The following SSX2IP variants were observed in gnomAD, a reference collection of about 807,000 sequenced individuals.
The protein encoded by SSX2IP is afadin- and alpha-actinin-binding protein.
A neutral mutation model predicts 84.9 loss-of-function variants in SSX2IP; 55 were observed. That is an observed-to-expected ratio of 0.65 (90% CI 0.52 to 0.81). The LOEUF is 0.81. SSX2IP is among the 30% of genes least tolerant of loss of function. The pLI, the probability that SSX2IP is intolerant of heterozygous loss-of-function variation, is 0.00. For synonymous variants in SSX2IP, 239 were observed against 234.7 expected, an observed-to-expected ratio of 1.02 and a Z score of -0.17; for missense variants, 664 against 705.2, an observed-to-expected ratio of 0.94 and a Z score of 0.66.
At chr1:84,650,266 A>C (rs1650024400) in intron 13 of SSX2IP, 96 bp downstream of exon 13, 1 of 1,224,432 alleles carries the variant, frequency 8.2e-7, no homozygotes, top group East Asian at 2.3e-5. Flanking sequence ...CAAAATCTCT[A>C]TTGTTGCTAA....
chr1:84,647,626 C>G lies in SSX2IP; in HGVS notation c.1671-19G>C, dbSNP rs1410816144. On this transcript the variant is annotated intron_variant, in intron 13 of 13. Coordinates refer to ENST00000342203, the MANE Select transcript of SSX2IP (RefSeq NM_001166293.2). ...GATTGAACTGTTGGGAAAAGAAAGG[C>G]AGATCTTAGTGACTATCCTCTCCTT... The G allele has an allele frequency of 2.6e-6, 4 of 1,526,136 alleles. No homozygotes were observed. Among genetic ancestry groups the G allele is most frequent in the Non-Finnish European group, 3.5e-6 (4 of 1,130,518 alleles). 94.5% of individuals were successfully genotyped at this position (1,526,136 alleles called of 1,614,324 possible).
rs1014598781 is a variant in SSX2IP, at chr1:84,650,565, T to C, written c.1505-38A>G. The stretch of plus-strand genomic sequence containing the variant: ...AAGTAAGAGAAAAAGGCAGTACATA[T>C]GGTGAGGCATTAAATATAGTGAAGG... On this transcript the variant is annotated intron_variant, in intron 12 of 13. Coordinates refer to ENST00000342203, the MANE Select transcript of SSX2IP (RefSeq NM_001166293.2). 8.7e-6 allele frequency: 14 copies of C among 1,607,790 alleles called. No homozygotes were observed. In the East Asian group the frequency reaches 1.3e-4, roughly 15 times the overall value.
rs1171194235 is a variant in SSX2IP at position 84,658,441 on chromosome 1, C to T, written c.955G>A (p.Gly319Arg). 6 of 1,613,888 alleles carry T rather than the reference C, an allele frequency of 3.7e-6. No homozygotes were observed. The highest frequency in any genetic ancestry group is 2.2e-5 in the East Asian group (1 of 44,874). ...TVISDVEEDA[G>R]ELSRESMWDL... ...CACATACTCTCTCTGCTTAGTTCCCCGGCATCTTCTTCAACATCGGAAATA... is the reference window on the plus strand; with the variant it reads ...CACATACTCTCTCTGCTTAGTTCCCTGGCATCTTCTTCAACATCGGAAATA... Residue 319 changes from glycine to arginine, a missense_variant, in exon 9 of 14, where the codon GGG becomes AGG. Transcript: ENST00000342203.
intron 1 of SSX2IP, among the ~76,000 whole-genome samples, chr1:84,673,269 A>C (rs972485166): frequency 6.6e-6 from 1 of 152,218 alleles, no homozygotes; most frequent in Non-Finnish European, 1.5e-5. Flanking sequence ...GAAAACCTCC[A>C]CTGAAACGGT....
Position 84,667,809 on chromosome 1 carries a change from A to C in SSX2IP, c.427-1577T>G, listed in dbSNP as rs1305646663. On this transcript the variant is annotated intron_variant, in intron 4 of 13. Coordinates refer to ENST00000342203, the MANE Select transcript of SSX2IP (RefSeq NM_001166293.2). Reference sequence around the variant, plus strand: ...CTAGCAAATTTCTACTCATTCTTCCAATCTCAGATCAGGTGTTACCTCTCC... The same window carrying C: ...CTAGCAAATTTCTACTCATTCTTCCCATCTCAGATCAGGTGTTACCTCTCC... Among the ~76,000 whole-genome samples the C allele has an allele frequency of 3.3e-5, 5 of 152,114 alleles. No homozygotes were observed. In the East Asian group the frequency reaches 9.6e-4, roughly 29 times the overall value.
At chr1:84,648,070 GCA>G (rs1649710997) in intron 13 of SSX2IP, among the ~76,000 whole-genome samples, 1 of 151,982 alleles carries the variant, frequency 6.6e-6, no homozygotes, top group South Asian at 2.1e-4. Context: ...GGAATCTAAG[GCA>G]CAGCCTTTAT....
chr1:84,654,640 A>G (rs1650806526), intron 11 of SSX2IP, among the ~76,000 whole-genome samples: 1 of 152,176 alleles, frequency 6.6e-6, no homozygotes, highest in Admixed American at 6.5e-5. Flanking sequence ...ACAGAGAAAA[A>G]GAATTCACTA....
chr1:84,676,280 G>A (rs888453972), intron 1 of SSX2IP, among the ~76,000 whole-genome samples: 16 of 152,226 alleles, frequency 1.1e-4, no homozygotes, highest in African/African-American at 2.6e-4. Context: ...GTTCATTAGC[G>A]GTAGGTAACA....
At chr1:84,656,296 C>A (rs1376846156) in intron 10 of SSX2IP, 52 bp downstream of exon 10, 1 of 1,574,064 alleles carries the variant, frequency 6.4e-7, no homozygotes, top group Non-Finnish European at 8.6e-7. Flanking sequence ...TAAGGTTCAG[C>A]ACAATTCTGG....
At chr1:84,656,259 T>C in intron 10 of SSX2IP, 89 bp downstream of exon 10, 1 of 1,342,500 alleles carries the variant, frequency 7.4e-7, no homozygotes, top group Non-Finnish European at 1.0e-6. Flanking sequence ...TACCAGGGCC[T>C]TATGAAATAA....
At position 84,643,801 on chromosome 1, in the gene SSX2IP, T is replaced by A. The variant is rs1206679182; in HGVS notation, c.*3632A>T. 2 of 151,324 alleles carry A rather than the reference T, an allele frequency of 1.3e-5. No homozygotes were observed. Among genetic ancestry groups the A allele is most frequent in the East Asian group, 3.9e-4 (2 of 5,192 alleles). The allele number at this position is 151,324 out of a possible 1,614,324, so 9.4% of individuals were successfully genotyped here. A position where few individuals can be genotyped will look rare whatever the true frequency, so the allele number is the denominator to read the frequency against. On this transcript the variant is annotated 3_prime_UTR_variant, in exon 14 of 14. Transcript: ENST00000342203. Reference sequence around the variant, plus strand: ...TATTTCTGAAGCTCAAATATATGAATGAGGTGGATCTTTATCAGGAGCTTC... The same window carrying A: ...TATTTCTGAAGCTCAAATATATGAAAGAGGTGGATCTTTATCAGGAGCTTC...
At chr1:84,660,936 G>A (rs867220518) in intron 8 of SSX2IP, among the ~76,000 whole-genome samples, 53 of 150,038 alleles carry the variant, frequency 3.5e-4, no homozygotes, top group African/African-American at 9.0e-4. Flanking sequence ...GCATGGTGGC[G>A]GCTGCCTATA....
At chr1:84,652,273 A>C in intron 11 of SSX2IP, 2 of 303,960 alleles carry the variant, frequency 6.6e-6, no homozygotes, top group East Asian at 6.1e-5. Context: ...AAATACAAAC[A>C]TCAGCTGGGC....
chr1:84,657,119 T>C (rs1651232997), intron 9 of SSX2IP, among the ~76,000 whole-genome samples: 1 of 152,156 alleles, frequency 6.6e-6, no homozygotes, highest in Non-Finnish European at 1.5e-5. Flanking sequence ...TAAATTTTTC[T>C]TTAAATAGGC....
intron 1 of SSX2IP, among the ~76,000 whole-genome samples, chr1:84,673,831 TA>T (rs748427211): frequency 1.3e-5 from 2 of 152,184 alleles, no homozygotes; most frequent in Non-Finnish European, 2.9e-5. Flanking sequence ...TTACATGTCA[TA>T]TTACATGTTA....
At chr1:84,674,843 A>G (rs951472592) in intron 1 of SSX2IP, among the ~76,000 whole-genome samples, 10 of 152,222 alleles carry the variant, frequency 6.6e-5, no homozygotes, top group Admixed American at 5.9e-4. Context: ...CTGTTCAATG[A>G]TGTACCAATT....
Position 84,667,258 on chromosome 1 carries a change from G to A in SSX2IP, c.427-1026C>T, listed in dbSNP as rs558799375. 2.4e-4 allele frequency among the ~76,000 whole-genome samples: 36 copies of A among 152,050 alleles called. No individual in the cohort carries two copies. In the South Asian group the frequency reaches 7.1e-3, roughly 30 times the overall value. ...CCTTCCTTTCTTAGTGAATCACATC[G>A]CCATCCTCAGTAACTCAAGGCAGAA... On this transcript the variant is annotated intron_variant, in intron 4 of 13. Coordinates refer to ENST00000342203, the MANE Select transcript of SSX2IP (RefSeq NM_001166293.2).
rs187948799 is a variant in SSX2IP at position 84,670,162 on chromosome 1, A to G, written c.214-269T>C. On this transcript the variant is annotated intron_variant, in intron 3 of 13. Coordinates refer to ENST00000342203, the MANE Select transcript of SSX2IP (RefSeq NM_001166293.2). ...ATCATGTTGAACATGACAAATATAT[A>G]TAATTTTTGTCAAAAATTAAAAATA... 210 of 220,994 alleles carry G rather than the reference A, an allele frequency of 9.5e-4. 2 individuals are homozygous for G. The highest frequency in any genetic ancestry group is 3.9e-3 in the African/African-American group (171 of 44,218). The allele number at this position is 220,994 out of a possible 1,614,324, so 13.7% of individuals were successfully genotyped here. A position where few individuals can be genotyped will look rare whatever the true frequency, so the allele number is the denominator to read the frequency against.
In SSX2IP at chr1:84,652,049, T is replaced by C. The variant is rs939483224; in HGVS notation, c.1390-52A>G. 5 of 1,348,856 alleles carry C rather than the reference T, an allele frequency of 3.7e-6. No homozygotes were observed. The East Asian group carries it at 6.9e-5, about 19-fold the overall frequency. 83.6% of individuals were successfully genotyped at this position (1,348,856 alleles called of 1,614,324 possible). A position where few individuals can be genotyped will look rare whatever the true frequency, so the allele number is the denominator to read the frequency against. On this transcript the variant is annotated intron_variant, in intron 11 of 13. Transcript: ENST00000342203. ...GATCAATATTTCAACATCCACACAG[T>C]TGCCATTTCACATGATTGCTCTAGC... is the stretch of plus-strand genomic sequence containing the variant.
Sources: allele counts gnomAD v4.1 joint callset (sites outside exome capture counted in the v4.1 genomes callset), GRCh38; gene constraint gnomAD v4.1.1; transcripts MANE v1.5; gene names NCBI Gene and HGNC (gene_info 2026-07-23, HGNC 2026-07-21).